BBS9: variants seen among roughly 807,000 people sequenced by gnomAD.
BBS9 encodes the protein protein PTHB1.
Under a neutral mutation model 117.7 loss-of-function variants are expected in BBS9, and 89 were observed. The observed-to-expected ratio is 0.76, with a 90% CI of 0.64 to 0.90. BBS9 has a LOEUF of 0.90. Ranked by LOEUF, BBS9 falls within the 40% of genes least tolerant of loss-of-function variation. The probability of loss-of-function intolerance (pLI) is 0.00; values close to 1 mark genes in which losing one functional copy is unlikely to be tolerated. For synonymous variants in BBS9, 379 were observed against 370.9 expected (o/e 1.02, Z -0.25); for missense variants, 982 against 1,042.2 (o/e 0.94, Z 0.80).
chr7:33,320,919 G>A (rs532122536), intron 9 of BBS9, among the ~76,000 whole-genome samples: 81 of 151,752 alleles, frequency 5.3e-4, no homozygotes, highest in Non-Finnish European at 1.0e-3. Flanking sequence ...CATGGGGAGA[G>A]GGGTCTAGTT....
chr7:33,498,467 C>T (rs1845030345), intron 19 of BBS9, among the ~76,000 whole-genome samples: 1 of 152,094 alleles, frequency 6.6e-6, no homozygotes, highest in Non-Finnish European at 1.5e-5. Flanking sequence ...TTAACCCCTC[C>T]TAAAAGAAAC....
intron 19 of BBS9, among the ~76,000 whole-genome samples, chr7:33,484,778 C>T (rs1842878617): frequency 6.6e-6 from 1 of 152,146 alleles, no homozygotes; most frequent in Admixed American, 6.5e-5. Context: ...TTTGACTGAG[C>T]AATCCCATTA....
At chr7:33,294,060 A>G (rs1804655352) in intron 9 of BBS9, among the ~76,000 whole-genome samples, 1 of 152,202 alleles carries the variant, frequency 6.6e-6, no homozygotes, top group Non-Finnish European at 1.5e-5. Flanking sequence ...TTGAAGGCAC[A>G]GAAACACAGC....
chr7:33,399,241 T>G (rs1828522449), intron 19 of BBS9, among the ~76,000 whole-genome samples: 1 of 152,168 alleles, frequency 6.6e-6, no homozygotes, highest in South Asian at 2.1e-4. Flanking sequence ...TTTCTTTCCA[T>G]TAGTCTTTTT....
intron 4 of BBS9, among the ~76,000 whole-genome samples, chr7:33,162,915 A>T (rs763799103): frequency 2.6e-5 from 4 of 152,188 alleles, no homozygotes; most frequent in South Asian, 2.1e-4. Flanking sequence ...GCCTGTTTTC[A>T]AAGGGAATGC....
intron 19 of BBS9, among the ~76,000 whole-genome samples, chr7:33,408,485 C>A (rs980741275): frequency 6.6e-6 from 1 of 152,182 alleles, no homozygotes; most frequent in South Asian, 2.1e-4. Flanking sequence ...GTGAGATGAA[C>A]CCAGTACCTC....
At chr7:33,181,711 C>T (rs1471148060) in intron 5 of BBS9, among the ~76,000 whole-genome samples, 1 of 152,208 alleles carries the variant, frequency 6.6e-6, no homozygotes, top group Non-Finnish European at 1.5e-5. Context: ...TGTTCACACA[C>T]AGAATTTCTT....
intron 5 of BBS9, among the ~76,000 whole-genome samples, chr7:33,219,370 C>T (rs949723694): frequency 3.9e-5 from 6 of 152,176 alleles, no homozygotes; most frequent in South Asian, 4.1e-4. Context: ...GCACAGGGCG[C>T]GGGACTGGCA....
In BBS9 at chr7:33,413,234, C is replaced by A. The variant is rs116772847; in HGVS notation, c.2115+25090C>A. ...CTTGCAGTCTCACTCCTACTGTCAG[C>A]TGTTTTAACTATCAGTTTTATTTAG... is the stretch of plus-strand genomic sequence containing the variant. On this transcript the variant is annotated intron_variant, in intron 19 of 22. Coordinates refer to ENST00000242067, the MANE Select transcript of BBS9 (RefSeq NM_198428.3). 5.1e-3 allele frequency among the ~76,000 whole-genome samples: 780 copies of A among 152,292 alleles called. 8 individuals carry two copies. Among genetic ancestry groups the A allele is most frequent in the African/African-American group, 0.017 (704 of 41,552 alleles).
At chr7:33,377,933 TA>T (rs1446218537) in intron 17 of BBS9, among the ~76,000 whole-genome samples, 8 of 152,122 alleles carry the variant, frequency 5.3e-5, no homozygotes, top group Non-Finnish European at 1.2e-4. Context: ...AAATAACCAT[TA>T]AAAAATTTAT....
At chr7:33,491,766 G>A (rs1843931107) in intron 19 of BBS9, among the ~76,000 whole-genome samples, 1 of 152,142 alleles carries the variant, frequency 6.6e-6, no homozygotes, top group East Asian at 1.9e-4. Context: ...AATAATGTAA[G>A]TATTTTATAT....
At position 33,349,126 on chromosome 7, in the gene BBS9, C is replaced by A; in HGVS notation, c.1388C>A (p.Pro463Gln). The change falls in exon 13 of 23, where the codon CCA (proline) becomes CAA (glutamine). Residue 463 changes from proline (P) to glutamine (Q), a missense_variant. Physicochemically the swap from Pro to Gln is moderately conservative, Grantham distance 76. Coordinates refer to ENST00000242067, the MANE Select transcript of BBS9 (RefSeq NM_198428.3). ...QKAKLSVYVQ[P>Q]PLELTCDQFT... is the part of the protein sequence containing the mutation. ...GCCAAATTATCAGTCTACGTGCAAC[C>A]ACCATTAGAATTGACTTGTGATCAG... The A allele has an allele frequency of 6.2e-7, 1 of 1,613,380 alleles. No individual in the cohort carries two copies. The highest frequency in any genetic ancestry group is 8.5e-7 in the Non-Finnish European group (1 of 1,179,554).
At chr7:33,520,798 G>A (rs897802611) in intron 20 of BBS9, among the ~76,000 whole-genome samples, 1 of 152,144 alleles carries the variant, frequency 6.6e-6, no homozygotes, top group African/African-American at 2.4e-5. Flanking sequence ...TCTTTCTTGG[G>A]CCTCCATTGT....
chr7:33,515,450 T>C (rs1847613943), intron 20 of BBS9, among the ~76,000 whole-genome samples: 1 of 152,210 alleles, frequency 6.6e-6, no homozygotes, highest in Non-Finnish European at 1.5e-5. Flanking sequence ...CACTGTTGCC[T>C]TCATGATTTC....
intron 21 of BBS9, among the ~76,000 whole-genome samples, chr7:33,571,866 AT>A (rs1857857187): frequency 6.6e-6 from 1 of 152,074 alleles, no homozygotes; most frequent in Non-Finnish European, 1.5e-5. Context: ...CAAGGATACC[AT>A]TGGCAATGAT....
chr7:33,408,322 T>A (rs1289987601), intron 19 of BBS9, among the ~76,000 whole-genome samples: 1 of 152,042 alleles, frequency 6.6e-6, no homozygotes, highest in Non-Finnish European at 1.5e-5. Context: ...GTGGCCTGAT[T>A]TTCCAGGTGC....
At chr7:33,393,239 T>C (rs898338283) in intron 19 of BBS9, among the ~76,000 whole-genome samples, 1 of 152,206 alleles carries the variant, frequency 6.6e-6, no homozygotes, top group African/African-American at 2.4e-5. Flanking sequence ...CAGTGTTGTT[T>C]TTAGGCGAAT....
Position 33,578,822 on chromosome 7 carries a change from A to G in BBS9, c.2522-26043A>G, listed in dbSNP as rs147699954. On this transcript the variant is annotated intron_variant, in intron 21 of 22. Coordinates refer to ENST00000242067, the MANE Select transcript of BBS9 (RefSeq NM_198428.3). Reference sequence around the variant, plus strand: ...AAGCTTTCATATTTCCTGTATCTCTAGGACAAAGGACAATGGTGTAGTTTT... The same window carrying G: ...AAGCTTTCATATTTCCTGTATCTCTGGGACAAAGGACAATGGTGTAGTTTT... 2.6e-3 allele frequency among the ~76,000 whole-genome samples: 395 copies of G among 152,308 alleles called. 3 individuals carry two copies. The highest frequency in any genetic ancestry group is 8.9e-3 in the African/African-American group (370 of 41,574).
intron 20 of BBS9, among the ~76,000 whole-genome samples, chr7:33,510,123 C>T (rs1846717902): frequency 6.6e-6 from 1 of 152,078 alleles, no homozygotes; most frequent in Non-Finnish European, 1.5e-5. Context: ...GTTTGATAAC[C>T]TAGTATTGTC....
Sources: allele counts gnomAD v4.1 joint callset (sites outside exome capture counted in the v4.1 genomes callset), GRCh38; gene constraint gnomAD v4.1.1; transcripts MANE v1.5; gene names NCBI Gene and HGNC (gene_info 2026-07-23, HGNC 2026-07-21).